CNTNAP5: variants seen among roughly 807,000 people sequenced by gnomAD.
CNTNAP5 encodes contactin associated protein family member 5, also known as contactin-associated protein-like 5.
Under a neutral mutation model 150.2 loss-of-function variants are expected in CNTNAP5, and 72 were observed. That is an observed-to-expected ratio of 0.48 (90% CI 0.40 to 0.58). The LOEUF is 0.58. CNTNAP5 is among the 20% of genes least tolerant of loss of function. CNTNAP5 has a pLI of 0.00. For missense variants in CNTNAP5, 1,636 were observed against 1,626.2 expected (o/e 1.01, Z -0.10); for synonymous variants, 672 against 619.8 (o/e 1.08, Z -1.25).
intron 4 of CNTNAP5, among the ~76,000 whole-genome samples, chr2:124,430,123 C>G (rs925422504): frequency 2.0e-5 from 3 of 151,946 alleles, no homozygotes; most frequent in African/African-American, 4.8e-5. Context: ...GGGAGACTAA[C>G]AGGGATGGAG....
intron 11 of CNTNAP5, among the ~76,000 whole-genome samples, chr2:124,563,853 A>G (rs1504013): frequency 0.98 from 149,419 of 152,322 alleles, 73,364 homozygotes; most frequent in East Asian, 1. Flanking sequence ...GCACAGGGAA[A>G]CATGGGCTAG....
chr2:124,180,076 A>C (rs1685174158), intron 1 of CNTNAP5, among the ~76,000 whole-genome samples: 1 of 152,232 alleles, frequency 6.6e-6, no homozygotes. Context: ...AATATATACA[A>C]AAATTTGGCT....
chr2:124,288,662 A>C (rs1329658330), intron 3 of CNTNAP5, among the ~76,000 whole-genome samples: 2 of 152,164 alleles, frequency 1.3e-5, no homozygotes, highest in Non-Finnish European at 1.5e-5. Flanking sequence ...TAAACCCTTG[A>C]AACCCCCGTC....
rs112694667 is a variant in CNTNAP5, at chr2:124,468,036, A to C, written c.919-6703A>C. Among the ~76,000 whole-genome samples the C allele has an allele frequency of 1.5e-3, 223 of 152,126 alleles. 1 individual carries two copies. Among genetic ancestry groups the C allele is most frequent in the Admixed American group, 3.8e-3 (58 of 15,262 alleles). On this transcript the variant is annotated intron_variant, in intron 6 of 23. Transcript: ENST00000682447. ...GGTGGTTTGTGTATCGTGCTGCGTC[A>C]AGGGAGTCATGCCATTCACGAGTCC...
chr2:124,303,566 A>G (rs746190807), intron 3 of CNTNAP5, among the ~76,000 whole-genome samples: 8 of 152,226 alleles, frequency 5.3e-5, no homozygotes, highest in Non-Finnish European at 1.0e-4. Flanking sequence ...TGTTTCTTTA[A>G]AACATCGACA....
At chr2:124,870,515 GTC>G (rs1558807845) in intron 21 of CNTNAP5, among the ~76,000 whole-genome samples, 1 of 151,848 alleles carries the variant, frequency 6.6e-6, no homozygotes, top group Non-Finnish European at 1.5e-5. Flanking sequence ...GCAAATGTAG[GTC>G]CTTCTACATT....
At position 124,585,459 on chromosome 2, in the gene CNTNAP5, C is replaced by T. The variant is rs114500391; in HGVS notation, c.1756+22136C>T. Among the ~76,000 whole-genome samples the T allele has an allele frequency of 5.3e-3, 802 of 152,194 alleles. 9 individuals carry two copies. Among genetic ancestry groups the T allele is most frequent in the African/African-American group, 0.018 (761 of 41,506 alleles). On this transcript the variant is annotated intron_variant, in intron 11 of 23. Transcript: ENST00000682447. Reference sequence around the variant, plus strand: ...CAGGAAGAATGGATGGATCCAGGAACAGAGATCAACTTGTAAATAGTTCTC... The same window carrying T: ...CAGGAAGAATGGATGGATCCAGGAATAGAGATCAACTTGTAAATAGTTCTC...
intron 13 of CNTNAP5, among the ~76,000 whole-genome samples, chr2:124,742,096 A>C (rs1437668676): frequency 1.3e-5 from 2 of 152,160 alleles, no homozygotes; most frequent in African/African-American, 4.8e-5. Context: ...CTTTACATCT[A>C]CACTGATTAA....
chr2:124,076,668 C>T (rs1165834319), intron 1 of CNTNAP5, among the ~76,000 whole-genome samples: 1 of 152,114 alleles, frequency 6.6e-6, no homozygotes, highest in Non-Finnish European at 1.5e-5. Context: ...TGTATATTTT[C>T]AGGAGAGTGC....
chr2:124,140,005 T>C (rs1573784317), intron 1 of CNTNAP5, among the ~76,000 whole-genome samples: 1 of 152,184 alleles, frequency 6.6e-6, no homozygotes, highest in African/African-American at 2.4e-5. Context: ...GAGTTCCCTT[T>C]CCGAGTCAAA....
chr2:124,920,766 A>G lies in CNTNAP5; in HGVS notation c.*6478A>G, dbSNP rs1190342982. On this transcript the variant is annotated 3_prime_UTR_variant, in exon 24 of 24. Coordinates refer to ENST00000682447, the MANE Select transcript of CNTNAP5 (RefSeq NM_001367498.1). The stretch of plus-strand genomic sequence containing the variant: ...AGGTTACGGTTTGCTGATTCCTAAG[A>G]TAGAGCATTACAGTGTCTGTTTCAG... Among the ~76,000 whole-genome samples the G allele has an allele frequency of 1.3e-5, 2 of 152,130 alleles. No homozygotes were observed. Among genetic ancestry groups the G allele is most frequent in the Non-Finnish European group, 1.5e-5 (1 of 68,012 alleles).
At chr2:124,901,943 G>A (rs1044594324) in intron 21 of CNTNAP5, among the ~76,000 whole-genome samples, 4 of 152,038 alleles carry the variant, frequency 2.6e-5, no homozygotes, top group Non-Finnish European at 5.9e-5. Context: ...GACCATTTAT[G>A]AATCAAAATA....
chr2:124,059,280 T>C (rs547971284), intron 1 of CNTNAP5, among the ~76,000 whole-genome samples: 1 of 152,356 alleles, frequency 6.6e-6, no homozygotes, highest in South Asian at 2.1e-4. Flanking sequence ...GTCGTAACTA[T>C]AAAATGAATT....
At chr2:124,319,834 C>T (rs1377969202) in intron 3 of CNTNAP5, among the ~76,000 whole-genome samples, 1 of 152,168 alleles carries the variant, frequency 6.6e-6, no homozygotes, top group African/African-American at 2.4e-5. Context: ...CAAGTGAAAA[C>T]CACTGCTCTA....
At chr2:124,614,969 CA>C (rs1414858029) in intron 12 of CNTNAP5, among the ~76,000 whole-genome samples, 1 of 81,222 alleles carries the variant, frequency 1.2e-5, no homozygotes, top group Non-Finnish European at 2.5e-5. Flanking sequence ...ATTAATTGTG[CA>C]ATAGCATTAT....
chr2:124,175,496 G>A (rs1372109906), intron 1 of CNTNAP5, among the ~76,000 whole-genome samples: 1 of 151,884 alleles, frequency 6.6e-6, no homozygotes, highest in Non-Finnish European at 1.5e-5. Context: ...TTGTTACATG[G>A]GTATATTGCA....
chr2:124,849,722 T>C (rs1683117667), intron 19 of CNTNAP5, among the ~76,000 whole-genome samples: 1 of 152,180 alleles, frequency 6.6e-6, no homozygotes. Context: ...ATCAGCGTCA[T>C]ACACATTTAA....
At chr2:124,890,088 G>A (rs1678160639) in intron 21 of CNTNAP5, among the ~76,000 whole-genome samples, 1 of 152,000 alleles carries the variant, frequency 6.6e-6, no homozygotes, top group African/African-American at 2.4e-5. Flanking sequence ...TTTTTATCCT[G>A]ATTTGAGAGG....
At chr2:124,552,687 A>G (rs1695654704) in intron 10 of CNTNAP5, among the ~76,000 whole-genome samples, 1 of 152,206 alleles carries the variant, frequency 6.6e-6, no homozygotes, top group Admixed American at 6.5e-5. Flanking sequence ...GTATTTATGT[A>G]TGCACACATG....
Sources: allele counts gnomAD v4.1 joint callset (sites outside exome capture counted in the v4.1 genomes callset), GRCh38; gene constraint gnomAD v4.1.1; transcripts MANE v1.5; gene names NCBI Gene and HGNC (gene_info 2026-07-23, HGNC 2026-07-21).